AKT3: variants seen among roughly 807,000 people sequenced by gnomAD.
AKT3 encodes the protein RAC-gamma serine/threonine-protein kinase.
Under a neutral mutation model 65.3 loss-of-function variants are expected in AKT3, and 15 were observed. The observed-to-expected ratio is 0.23, with a 90% CI of 0.15 to 0.35. AKT3 has a LOEUF of 0.35. AKT3 is among the 10% of genes least tolerant of loss of function. AKT3 has a pLI of 1.00. For missense variants in AKT3, 243 were observed against 576.5 expected, an observed-to-expected ratio of 0.42 and a Z score of 5.92; for synonymous variants, 206 against 183.8, an observed-to-expected ratio of 1.12 and a Z score of -0.98.
intron 2 of AKT3, among the ~76,000 whole-genome samples, chr1:243,754,107 T>TG (rs1391718864): frequency 1.3e-5 from 2 of 152,210 alleles, no homozygotes; most frequent in Non-Finnish European, 2.9e-5. Context: ...AACAGGGTAC[T>TG]GGTTTGGAAG....
chr1:243,757,146 A>C (rs1689186676), intron 2 of AKT3, among the ~76,000 whole-genome samples: 1 of 152,256 alleles, frequency 6.6e-6, no homozygotes, highest in African/African-American at 2.4e-5. Context: ...GACATTATCG[A>C]AAGAATTGGC....
intron 2 of AKT3, among the ~76,000 whole-genome samples, chr1:243,821,789 T>C (rs1194442568): frequency 6.6e-6 from 1 of 152,154 alleles, no homozygotes; most frequent in East Asian, 1.9e-4. Context: ...AACAAGTTCT[T>C]AGAGACCTAC....
intron 8 of AKT3, among the ~76,000 whole-genome samples, chr1:243,604,188 T>C (rs1163587486): frequency 1.3e-5 from 2 of 152,088 alleles, no homozygotes; most frequent in African/African-American, 4.8e-5. Context: ...AGCCACCACA[T>C]CCGACAACCT....
chr1:243,762,718 G>A (rs752820505), intron 2 of AKT3, among the ~76,000 whole-genome samples: 34 of 152,028 alleles, frequency 2.2e-4, no homozygotes, highest in Non-Finnish European at 1.5e-4. Context: ...TATTTAAAAT[G>A]TAAATCTTCT....
intron 6 of AKT3, among the ~76,000 whole-genome samples, chr1:243,615,760 C>G (rs1484415895): frequency 6.6e-6 from 1 of 151,960 alleles, no homozygotes; most frequent in Non-Finnish European, 1.5e-5. Flanking sequence ...AAGCCAAGTT[C>G]TTGCTCTGTT....
intron 1 of AKT3, among the ~76,000 whole-genome samples, chr1:243,844,120 AT>A (rs1448048745): frequency 6.6e-6 from 1 of 152,236 alleles, no homozygotes; most frequent in Non-Finnish European, 1.5e-5. Context: ...GTAGAAAAAA[AT>A]ATTTAGTACT....
chr1:243,730,912 C>T (rs2148144046), intron 2 of AKT3, among the ~76,000 whole-genome samples: 1 of 152,340 alleles, frequency 6.6e-6, no homozygotes, highest in South Asian at 2.1e-4. Context: ...CTGCCTGCCC[C>T]ACCACAGCTG....
At chr1:243,533,719 G>A (rs911625401) in intron 12 of AKT3, among the ~76,000 whole-genome samples, 4 of 152,266 alleles carry the variant, frequency 2.6e-5, no homozygotes, top group East Asian at 1.9e-4. Flanking sequence ...GGCCGGGCGC[G>A]GTGGCTCACG....
intron 1 of AKT3, among the ~76,000 whole-genome samples, chr1:243,846,884 A>G (rs376659760): frequency 1.7e-4 from 26 of 152,372 alleles, no homozygotes; most frequent in East Asian, 1.2e-3. Context: ...CACTTTCAAA[A>G]GTGTAGCAGG....
intron 2 of AKT3, among the ~76,000 whole-genome samples, chr1:243,777,591 T>C (rs1447967269): frequency 6.6e-6 from 1 of 152,104 alleles, no homozygotes; most frequent in Non-Finnish European, 1.5e-5. Context: ...ATGAATAGAA[T>C]CACACTGCTT....
intron 2 of AKT3, among the ~76,000 whole-genome samples, chr1:243,779,012 A>G (rs908781423): frequency 2.6e-5 from 4 of 151,922 alleles, no homozygotes; most frequent in African/African-American, 9.7e-5. Context: ...TGATTTACTT[A>G]GCCAATTTCC....
intron 2 of AKT3, among the ~76,000 whole-genome samples, chr1:243,778,791 A>G (rs1690719205): frequency 6.6e-6 from 1 of 152,214 alleles, no homozygotes; most frequent in South Asian, 2.1e-4. Context: ...TCTGGATAAA[A>G]TATTAGTTGT....
intron 2 of AKT3, among the ~76,000 whole-genome samples, chr1:243,785,660 C>T (rs1476001162): frequency 6.6e-6 from 1 of 152,170 alleles, no homozygotes; most frequent in Admixed American, 6.5e-5. Flanking sequence ...CCAGTGTTGG[C>T]TAGATGTGTC....
chr1:243,799,740 T>G (rs1424827334), intron 2 of AKT3, among the ~76,000 whole-genome samples: 1 of 152,342 alleles, frequency 6.6e-6, no homozygotes, highest in East Asian at 1.9e-4. Context: ...AAAGAGCTTT[T>G]TTGAAAGTCT....
chr1:243,789,190 C>A (rs1178652731), intron 2 of AKT3, among the ~76,000 whole-genome samples: 2 of 152,082 alleles, frequency 1.3e-5, no homozygotes, highest in Admixed American at 6.5e-5. Flanking sequence ...ACAGCCTGGG[C>A]AAGAAAGCAA....
chr1:243,700,591 C>T (rs1685386940), intron 2 of AKT3, among the ~76,000 whole-genome samples: 1 of 150,982 alleles, frequency 6.6e-6, no homozygotes. Flanking sequence ...GCAACCTCTG[C>T]CTCCCAGGTT....
chr1:243,764,108 T>C (rs1052382201), intron 2 of AKT3, among the ~76,000 whole-genome samples: 20 of 152,096 alleles, frequency 1.3e-4, no homozygotes, highest in Non-Finnish European at 2.5e-4. Context: ...TTGGTAAAAT[T>C]CCAAACTTTA....
At chr1:243,616,348 A>G (rs1354035484) in intron 6 of AKT3, among the ~76,000 whole-genome samples, 2 of 139,812 alleles carry the variant, frequency 1.4e-5, no homozygotes, top group Non-Finnish European at 3.1e-5. Context: ...CAACCCTCCT[A>G]CTGTAGGTGA....
At chr1:243,816,659 A>C (rs1693540540) in intron 2 of AKT3, among the ~76,000 whole-genome samples, 1 of 152,220 alleles carries the variant, frequency 6.6e-6, no homozygotes, top group African/African-American at 2.4e-5. Flanking sequence ...GCAGAACAAA[A>C]ATCCACCGTA....
Sources: allele counts gnomAD v4.1 joint callset (sites outside exome capture counted in the v4.1 genomes callset), GRCh38; gene constraint gnomAD v4.1.1; transcripts MANE v1.5; gene names NCBI Gene and HGNC (gene_info 2026-07-23, HGNC 2026-07-21).